MYO3B: variants seen among roughly 807,000 people sequenced by gnomAD.
The protein encoded by MYO3B is myosin IIIB, also known as myosin-IIIb.
Under a neutral mutation model 174.6 loss-of-function variants are expected in MYO3B, and 156 were observed. The ratio of observed to expected loss-of-function variants is 0.89; its 90% confidence interval spans 0.78 to 1.02. The LOEUF (loss-of-function observed/expected upper bound fraction) is 1.02, where lower values mean the gene tolerates loss of function less well. MYO3B is among the 50% of genes least tolerant of loss of function. The pLI, the probability that MYO3B is intolerant of heterozygous loss-of-function variation, is 0.00. For synonymous variants in MYO3B, 563 were observed against 569.1 expected (o/e 0.99, Z 0.15); for missense variants, 1,632 against 1,639.4 (o/e 1.00, Z 0.08).
chr2:170,476,080 C>CG (rs1553503762), intron 25 of MYO3B, among the ~76,000 whole-genome samples: 2 of 151,150 alleles, frequency 1.3e-5, no homozygotes, highest in Non-Finnish European at 2.9e-5. Context: ...CTGTCCCCCC[C>CG]CACAGGACAT....
intron 9 of MYO3B, among the ~76,000 whole-genome samples, chr2:170,372,739 G>C (rs1200393956): frequency 6.6e-6 from 1 of 152,190 alleles, no homozygotes; most frequent in African/African-American, 2.4e-5. Flanking sequence ...GTCAGTCTGG[G>C]GTTGGGATGG....
At chr2:170,476,862 C>T (rs1475719925) in intron 25 of MYO3B, among the ~76,000 whole-genome samples, 2 of 152,066 alleles carry the variant, frequency 1.3e-5, no homozygotes, top group Non-Finnish European at 2.9e-5. Flanking sequence ...ATATCACTTT[C>T]CTATGGTATA....
At chr2:170,224,619 A>G (rs972023187) in intron 6 of MYO3B, among the ~76,000 whole-genome samples, 4 of 152,114 alleles carry the variant, frequency 2.6e-5, no homozygotes, top group Non-Finnish European at 5.9e-5. Flanking sequence ...TCCGCCATGC[A>G]TTAAGGATCT....
chr2:170,255,342 C>T (rs938956352), intron 7 of MYO3B, among the ~76,000 whole-genome samples: 1 of 152,042 alleles, frequency 6.6e-6, no homozygotes, highest in East Asian at 1.9e-4. Context: ...TGCTCCTCCC[C>T]CCTTCCCTCA....
rs1301466080 is a variant in MYO3B, at chr2:170,206,077, T to TC, written c.321+5796dup. ...TGCCCCAGGATTCTGGCATCCTTTG[T>TC]CCCAACAGTAGTAGAGTATTTAGAA... On this transcript the variant is annotated intron_variant, in intron 3 of 34. Transcript: ENST00000408978. The surrounding 1 kb of genome is among the most constrained non-coding windows in gnomAD (Gnocchi z 4.3). Among the ~76,000 whole-genome samples the TC allele has an allele frequency of 6.6e-6, 1 of 152,114 alleles. No individual in the cohort carries two copies. The highest frequency in any genetic ancestry group is 1.5e-5 in the Non-Finnish European group (1 of 68,006).
At chr2:170,228,620 C>T (rs770421878) in intron 6 of MYO3B, among the ~76,000 whole-genome samples, 4 of 152,110 alleles carry the variant, frequency 2.6e-5, no homozygotes, top group Admixed American at 2.0e-4. Context: ...GTGGGCTGAC[C>T]TCAAACCCAG....
intron 7 of MYO3B, among the ~76,000 whole-genome samples, chr2:170,293,269 T>C (rs1379496504): frequency 6.6e-6 from 1 of 152,224 alleles, no homozygotes; most frequent in African/African-American, 2.4e-5. Flanking sequence ...TTAAGTTTTA[T>C]ACTTTTTCCA....
chr2:170,459,195 G>A lies in MYO3B; in HGVS notation c.2731-4173G>A, dbSNP rs142988141. ...CCACAGCGTGGAAAGGGACCCCAGC[G>A]GGTTGCCACTGCTGGCTCTGGCAGC... On this transcript the variant is annotated intron_variant, in intron 23 of 34. Coordinates refer to ENST00000408978, the MANE Select transcript of MYO3B (RefSeq NM_138995.5). Among the ~76,000 whole-genome samples the A allele has an allele frequency of 4.3e-3, 652 of 152,296 alleles. 4 individuals carry two copies. Among genetic ancestry groups the A allele is most frequent in the African/African-American group, 0.015 (636 of 41,560 alleles).
rs140076957 is a variant in MYO3B, at chr2:170,329,259, GTA to G, written c.750-6117_750-6116del. On this transcript the variant is annotated intron_variant, in intron 7 of 34. Coordinates refer to ENST00000408978, the MANE Select transcript of MYO3B (RefSeq NM_138995.5). ...TGTGTGTGTGTGTGTGTGTGTGTGT[GTA>G]TATATATAAAATATTTATAGCAGAT... Among the ~76,000 whole-genome samples the G allele has an allele frequency of 5.8e-3, 860 of 149,238 alleles. 13 individuals carry two copies. Among genetic ancestry groups the G allele is most frequent in the African/African-American group, 0.02 (805 of 39,822 alleles).
intron 32 of MYO3B, among the ~76,000 whole-genome samples, chr2:170,625,684 G>C (rs943275036): frequency 6.6e-6 from 1 of 152,046 alleles, no homozygotes; most frequent in Non-Finnish European, 1.5e-5. Context: ...TTCTCTTGTG[G>C]GCATTTAGTG....
At chr2:170,219,281 A>C (rs1381315198) in intron 6 of MYO3B, among the ~76,000 whole-genome samples, 1 of 152,216 alleles carries the variant, frequency 6.6e-6, no homozygotes, top group Non-Finnish European at 1.5e-5. Context: ...AACTGGACTC[A>C]GGTCTGCCAG....
chr2:170,213,266 C>T (rs2092791659), intron 3 of MYO3B, among the ~76,000 whole-genome samples: 1 of 152,172 alleles, frequency 6.6e-6, no homozygotes. Context: ...AGACTCCTGT[C>T]TCAAGAGCCG....
intron 7 of MYO3B, among the ~76,000 whole-genome samples, chr2:170,304,171 A>T (rs1171717045): frequency 1.3e-5 from 2 of 152,180 alleles, no homozygotes; most frequent in Non-Finnish European, 2.9e-5. Flanking sequence ...GATTCAAAAG[A>T]GTACTTATTT....
At chr2:170,535,329 C>A (rs1227599725) in intron 30 of MYO3B, among the ~76,000 whole-genome samples, 1 of 152,184 alleles carries the variant, frequency 6.6e-6, no homozygotes, top group Non-Finnish European at 1.5e-5. Context: ...AGGAGACTTG[C>A]ACCAGATTAG....
chr2:170,622,939 A>G (rs1696067877), intron 32 of MYO3B, among the ~76,000 whole-genome samples: 1 of 152,136 alleles, frequency 6.6e-6, no homozygotes, highest in South Asian at 2.1e-4. Context: ...TCCATGGTGT[A>G]TATATGCCAC....
chr2:170,511,098 C>T (rs1305510880), intron 28 of MYO3B, among the ~76,000 whole-genome samples: 2 of 146,530 alleles, frequency 1.4e-5, no homozygotes, highest in Non-Finnish European at 3.0e-5. Context: ...CTCACTCTGT[C>T]GCCTAGGCTG....
intron 25 of MYO3B, among the ~76,000 whole-genome samples, chr2:170,489,801 A>T (rs1463778819): frequency 4.7e-5 from 7 of 147,830 alleles, no homozygotes; most frequent in Non-Finnish European, 9.2e-5. Context: ...TATGAGGTCC[A>T]CCCACATTAT....
At chr2:170,330,377 T>A (rs1439972075) in intron 7 of MYO3B, among the ~76,000 whole-genome samples, 1 of 152,080 alleles carries the variant, frequency 6.6e-6, no homozygotes, top group African/African-American at 2.4e-5. Flanking sequence ...TACAGAAGAG[T>A]GAGGTATATG....
chr2:170,335,414 A>C lies in MYO3B; in HGVS notation c.779A>C (p.Glu260Ala), dbSNP rs913651187. ...CCTCCACCTACTTTACTTCATCCAG[A>C]AAAATGGTGTGAAGAATTCAACCAC... ...RNPPPTLLHP[E>A]KWCEEFNHFI... Residue 260 changes from glutamate to alanine, a missense_variant, in exon 8 of 35, where the codon GAA becomes GCA. Transcript: ENST00000408978. The C allele has an allele frequency of 1.9e-6, 3 of 1,611,206 alleles. No individual in the cohort carries two copies. The highest frequency in any genetic ancestry group is 2.5e-6 in the Non-Finnish European group (3 of 1,178,634).
Sources: gnomAD v4.1 joint callset for allele counts (sites outside exome capture counted in the v4.1 genomes callset) on GRCh38, gnomAD v4.1.1 for gene constraint, Gnocchi (gnomAD v3.1) non-coding constraint, MANE v1.5 for transcripts, NCBI Gene and HGNC (gene_info 2026-07-23, HGNC 2026-07-21) for gene names.